Variants in SLC12A7 observed in about 807,000 individuals in gnomAD.
SLC12A7 encodes K-Cl cotransporter 4.
In SLC12A7, 100 loss-of-function variants were observed where a neutral mutation model predicts 120.6. The ratio of observed to expected loss-of-function variants is 0.83; its 90% CI spans 0.71 to 0.98. SLC12A7 has a LOEUF of 0.98. Among genes scored for constraint, SLC12A7 ranks in the 50% least tolerant of loss-of-function variants. The pLI is 0.00. For missense variants in SLC12A7, 1,373 were observed against 1,548.1 expected (o/e 0.89, Z 1.90); for synonymous variants, 760 against 678.0 (o/e 1.12, Z -1.88).
chr5:1,107,095 A>G (rs1437861789), intron 1 of SLC12A7, among the ~76,000 whole-genome samples: 1 of 152,198 alleles, frequency 6.6e-6, no homozygotes, highest in Non-Finnish European at 1.5e-5. Context: ...GTGAACGCTG[A>G]TCAAACGCTG....
At position 1,076,217 on chromosome 5, in the gene SLC12A7, G is replaced by C; in HGVS notation, c.1768C>G (p.Leu590Val). 4 of 1,611,420 alleles carry C rather than the reference G, an allele frequency of 2.5e-6. No homozygotes were observed. The highest frequency in any genetic ancestry group is 3.4e-6 in the Non-Finnish European group (4 of 1,179,314). ...ILSMFFLMCY[L>V]FVNLACAVQT... ...ACGGCGCAGGCCAGGTTCACGAACA[G>C]GTAGCACATGAGGAAGAACCTGCAG... Residue 590 changes from leucine to valine, a missense_variant, in exon 14 of 24, where the codon CTG (leucine) becomes GTG (valine). Coordinates refer to ENST00000264930, the MANE Select transcript of SLC12A7 (RefSeq NM_006598.3).
At chr5:1,125,458 C>A in the SLC12A7 span, among the ~76,000 whole-genome samples, 2 of 152,104 alleles carry the variant, frequency 1.3e-5, no homozygotes, top group African/African-American at 4.8e-5. Context: ...GGCGTGTCAA[C>A]ATGTTAGAAA....
At chr5:1,098,218 C>A (rs1741534421) in intron 1 of SLC12A7, among the ~76,000 whole-genome samples, 5 of 127,998 alleles carry the variant, frequency 3.9e-5, no homozygotes, top group African/African-American at 1.5e-4. Context: ...CACACCCAGC[C>A]CCCCTCTAAC....
In SLC12A7 at chr5:1,077,955, A is replaced by G. The variant is rs1378683915; in HGVS notation, c.1507T>C (p.Ser503Pro). ...GAGCCGATGACGATGACCCAGGGGG[A>G]GGGCCAGGCCAGCATGCCGATGACC... ...NLVIGMLAWP[S>P]PWVIVIGSFF... The change falls in exon 12 of 24, where the codon TCC (serine) becomes CCC (proline). Residue 503 changes from serine (S) to proline (P), a missense_variant. Physicochemically the swap from Ser to Pro is moderately conservative, Grantham distance 74. Coordinates refer to ENST00000264930, the MANE Select transcript of SLC12A7 (RefSeq NM_006598.3). 4 of 1,596,654 alleles carry G rather than the reference A, an allele frequency of 2.5e-6. No homozygotes were observed. Among genetic ancestry groups the G allele is most frequent in the East Asian group, 2.3e-5 (1 of 43,836 alleles).
chr5:1,082,635 G>A (rs1328640302), intron 8 of SLC12A7, among the ~76,000 whole-genome samples: 1 of 133,136 alleles, frequency 7.5e-6, no homozygotes, highest in Non-Finnish European at 1.6e-5. Flanking sequence ...TGGAAAGTCC[G>A]GGCTTCCCCG....
At chr5:1,125,268 A>AGTGTGTGTGTGTGTGTGTGT in the SLC12A7 span, among the ~76,000 whole-genome samples, 1 of 150,480 alleles carries the variant, frequency 6.6e-6, no homozygotes, top group African/African-American at 2.4e-5. Context: ...TTTAAACGAA[A>AGTGTGTGTGTGTGTGTGTGT]GTGTGTGTGT....
rs6883753 is a variant in SLC12A7 at position 1,111,542 on chromosome 5, G to A, written c.124+326C>T. 0.38 allele frequency among the ~76,000 whole-genome samples: 57,332 copies of A among 151,982 alleles called. 11,244 individuals are homozygous for A. Among genetic ancestry groups the A allele is most frequent in the East Asian group, 0.55 (2,792 of 5,114 alleles). ...CCACCGCCACCCCTGTCCCACTAGG[G>A]ACCACCCAGGGGCCCGGGCTCCCTC... On this transcript the variant is annotated intron_variant, in intron 1 of 23. Transcript: ENST00000264930.
At chr5:1,136,529 C>T in the SLC12A7 span, among the ~76,000 whole-genome samples, 4,111 of 92,800 alleles carry the variant, frequency 0.044, 779 homozygotes, top group African/African-American at 0.12. Flanking sequence ...CACCAGTACA[C>T]GCAGGCACAC....
chr5:1,076,305 G>A, intron 13 of SLC12A7, 69 bp from the exon 14 acceptor site: 2 of 1,279,138 alleles, frequency 1.6e-6, no homozygotes, highest in South Asian at 1.3e-5. Context: ...CTGCCACCTG[G>A]GAGACCACCC....
rs1367120169 is a variant in SLC12A7 at position 1,094,199 on chromosome 5, C to A, written c.174G>T (p.Val58=). The A allele has an allele frequency of 6.2e-7, 1 of 1,613,736 alleles. No homozygotes were observed. Among genetic ancestry groups the A allele is most frequent in the South Asian group, 1.1e-5 (1 of 91,084 alleles). The change falls in exon 2 of 24, where the codon GTG becomes GTT. Residue 58 remains valine, a synonymous_variant. Transcript: ENST00000264930. Reference sequence around the variant, plus strand: ...TCCCTTCAAAGAAGCTCTCTTGTTCCACCTCGACATTGTTGAGGAATGGGC... The same window carrying A: ...TCCCTTCAAAGAAGCTCTCTTGTTCAACCTCGACATTGTTGAGGAATGGGC... ...ENSPFLNNVE[V]EQESFFEGKN...
chr5:1,068,466 T>C (rs1737288626), intron 17 of SLC12A7, among the ~76,000 whole-genome samples: 1 of 152,114 alleles, frequency 6.6e-6, no homozygotes, highest in Non-Finnish European at 1.5e-5. Flanking sequence ...AACAAATAAA[T>C]AAAAAAGATT....
intron 11 of SLC12A7, 29 bp from the exon 12 acceptor site, chr5:1,078,036 G>A (rs779662251): frequency 4.9e-5 from 75 of 1,537,150 alleles, no homozygotes; most frequent in South Asian, 3.2e-4. Flanking sequence ...GCGGGCGGGC[G>A]GCTTTCAGAA....
rs111393614 is a variant in SLC12A7, at chr5:1,083,693, G to C, written c.1129+52C>G. On this transcript the variant is annotated intron_variant, in intron 8 of 23. Coordinates refer to ENST00000264930, the MANE Select transcript of SLC12A7 (RefSeq NM_006598.3). ...GGCGAGAGCAGCCACCAGGGCCAGCGCCTGCTGCCCCCGCCACCCCCCAGC... is the reference window on the plus strand; with the variant it reads ...GGCGAGAGCAGCCACCAGGGCCAGCCCCTGCTGCCCCCGCCACCCCCCAGC... The C allele has an allele frequency of 5.5e-4, 853 of 1,555,686 alleles. 9 individuals carry two copies. In the African/African-American group the frequency reaches 9.8e-3, roughly 18 times the overall value.
intron 7 of SLC12A7, among the ~76,000 whole-genome samples, 200 bp downstream of exon 7, chr5:1,085,032 C>T (rs749341362): frequency 1.3e-5 from 2 of 152,366 alleles, no homozygotes; most frequent in Admixed American, 6.5e-5. Context: ...GACCCGGCCA[C>T]GAGGGTACCT....
chr5:1,074,417 G>A lies in SLC12A7; in HGVS notation c.2072+150C>T, dbSNP rs569228645. 1.7e-4 allele frequency: 112 copies of A among 669,782 alleles called. 1 individual carries two copies. Among genetic ancestry groups the A allele is most frequent in the African/African-American group, 1.4e-3 (75 of 54,778 alleles). 41.5% of individuals were successfully genotyped at this position (669,782 alleles called of 1,614,324 possible). A position where few individuals can be genotyped will look rare whatever the true frequency, so the allele number is the denominator to read the frequency against. ...CCCCCGGCCCCCAGCTGCGCCATCCGCTCTGCACCAGGCAGTGTTCACACC... is the reference window on the plus strand; with the variant it reads ...CCCCCGGCCCCCAGCTGCGCCATCCACTCTGCACCAGGCAGTGTTCACACC... On this transcript the variant is annotated intron_variant, in intron 16 of 23. Transcript: ENST00000264930.
intron 8 of SLC12A7, among the ~76,000 whole-genome samples, chr5:1,081,964 G>A (rs1278239462): frequency 6.6e-6 from 1 of 152,240 alleles, no homozygotes; most frequent in Non-Finnish European, 1.5e-5. Flanking sequence ...CTAAAGAGAA[G>A]CCTCATGTGG....
chr5:1,069,590 G>T (rs566028472), intron 17 of SLC12A7, among the ~76,000 whole-genome samples: 1 of 152,226 alleles, frequency 6.6e-6, no homozygotes, highest in Non-Finnish European at 1.5e-5. Context: ...CACATGAGGG[G>T]GAAGGAGGAG....
At chr5:1,130,430 A>T in the SLC12A7 span, among the ~76,000 whole-genome samples, 1 of 149,574 alleles carries the variant, frequency 6.7e-6, no homozygotes, top group Non-Finnish European at 1.5e-5. Context: ...TGGGAGGAAG[A>T]GAGGCTGAAT....
At position 1,085,215 on chromosome 5, in the gene SLC12A7, G is replaced by C; in HGVS notation, c.917+17C>G. 6.2e-7 allele frequency: 1 copy of C among 1,610,956 alleles called. No individual in the cohort carries two copies. Among genetic ancestry groups the C allele is most frequent in the Non-Finnish European group, 8.5e-7 (1 of 1,178,930 alleles). On this transcript the variant is annotated intron_variant, in intron 7 of 23. Transcript: ENST00000264930. The stretch of plus-strand genomic sequence containing the variant: ...CAGCCCCACACCCACCCACGGCTCA[G>C]AGGCCCCGAGACTCACGGGATGTCC...
Sources: allele counts gnomAD v4.1 joint callset (sites outside exome capture counted in the v4.1 genomes callset), GRCh38; gene constraint gnomAD v4.1.1; transcripts MANE v1.5; gene names NCBI Gene and HGNC (gene_info 2026-07-23, HGNC 2026-07-21).